PPM1L: variants seen among roughly 807,000 people sequenced by gnomAD.
PPM1L encodes the protein protein phosphatase 1L.
Under a neutral mutation model 31.4 loss-of-function variants are expected in PPM1L, and 13 were observed. The observed-to-expected ratio is 0.41, with a 90% CI of 0.27 to 0.66. The LOEUF is 0.66. Ranked by LOEUF, PPM1L falls within the 30% of genes least tolerant of loss-of-function variation. The probability of loss-of-function intolerance (pLI) is 0.29; values close to 1 mark genes in which losing one functional copy is unlikely to be tolerated. For missense variants in PPM1L, 326 were observed against 453.7 expected (o/e 0.72, Z 2.56); for synonymous variants, 184 against 175.4 (o/e 1.05, Z -0.39).
chr3:160,792,551 A>G (rs1712135907), intron 1 of PPM1L, among the ~76,000 whole-genome samples: 1 of 152,182 alleles, frequency 6.6e-6, no homozygotes, highest in African/African-American at 2.4e-5. Context: ...TTGATACACT[A>G]TTATTAACTA....
chr3:160,811,517 C>T (rs1392779832), intron 1 of PPM1L, among the ~76,000 whole-genome samples: 1 of 152,218 alleles, frequency 6.6e-6, no homozygotes, highest in East Asian at 1.9e-4. Flanking sequence ...CTCAAAAAGC[C>T]TAAAATATTC....
At chr3:160,786,484 C>T (rs983113023) in intron 1 of PPM1L, among the ~76,000 whole-genome samples, 3 of 151,360 alleles carry the variant, frequency 2.0e-5, no homozygotes, top group Non-Finnish European at 4.4e-5. Context: ...TCCCAAAGTG[C>T]TGGGATTACA....
chr3:160,839,726 A>C (rs932593055), intron 1 of PPM1L, among the ~76,000 whole-genome samples: 7 of 152,180 alleles, frequency 4.6e-5, no homozygotes, highest in African/African-American at 1.7e-4. Flanking sequence ...CAGTCTTGTG[A>C]CTGTGGTCAG....
chr3:160,877,026 G>C (rs911333262), intron 1 of PPM1L, among the ~76,000 whole-genome samples: 3 of 152,150 alleles, frequency 2.0e-5, no homozygotes, highest in African/African-American at 7.2e-5. Context: ...ACGTTCTGGA[G>C]AGTCTAGGTT....
intron 1 of PPM1L, among the ~76,000 whole-genome samples, chr3:160,801,519 C>T (rs16831478): frequency 0.075 from 11,344 of 152,168 alleles, 1,375 homozygotes; most frequent in African/African-American, 0.26. Context: ...CTAAGTTTTG[C>T]GCACACCAGC....
intron 1 of PPM1L, among the ~76,000 whole-genome samples, chr3:160,907,535 C>A (rs1713804449): frequency 6.6e-6 from 1 of 151,990 alleles, no homozygotes. Context: ...TTTCTCTTGG[C>A]AATATAGTGT....
chr3:161,063,234 G>A (rs1719627002), intron 2 of PPM1L, among the ~76,000 whole-genome samples: 1 of 151,866 alleles, frequency 6.6e-6, no homozygotes. Flanking sequence ...ATCAAAAACT[G>A]GTAACAACAA....
chr3:160,932,831 C>T (rs1714831589), intron 1 of PPM1L, among the ~76,000 whole-genome samples: 1 of 152,190 alleles, frequency 6.6e-6, no homozygotes, highest in South Asian at 2.1e-4. Flanking sequence ...TCATCATTCA[C>T]TGCTAAACGA....
chr3:160,809,025 C>T (rs1712728182), intron 1 of PPM1L, among the ~76,000 whole-genome samples: 1 of 152,286 alleles, frequency 6.6e-6, no homozygotes, highest in South Asian at 2.1e-4. Flanking sequence ...CGTGCACTGC[C>T]AGGCAGGGAA....
At chr3:160,935,648 C>T (rs1362691225) in intron 1 of PPM1L, among the ~76,000 whole-genome samples, 1 of 152,190 alleles carries the variant, frequency 6.6e-6, no homozygotes, top group African/African-American at 2.4e-5. Context: ...AGCTGTGCTA[C>T]CTGAAAGGAG....
intron 1 of PPM1L, among the ~76,000 whole-genome samples, chr3:160,844,715 CTA>C (rs1430880914): frequency 2.6e-5 from 4 of 151,898 alleles, no homozygotes; most frequent in African/African-American, 7.3e-5. Context: ...AAAATTTTTT[CTA>C]TGTTTTTTAA....
rs369458503 is a variant in PPM1L, at chr3:160,877,016, A to G, written c.400-84720A>G. Among the ~76,000 whole-genome samples the G allele has an allele frequency of 4.6e-5, 7 of 152,340 alleles. No homozygotes were observed. In the East Asian group the frequency reaches 1.3e-3, roughly 29 times the overall value. On this transcript the variant is annotated intron_variant, in intron 1 of 3. Transcript: ENST00000498165. ...TAGCCACAGAGAAAGGGACATTGCC[A>G]CGTTCTGGAGAGTCTAGGTTTGCAG...
At position 161,069,258 on chromosome 3, in the gene PPM1L, C is replaced by A; in HGVS notation, c.*101C>A. On this transcript the variant is annotated 3_prime_UTR_variant, in exon 4 of 4. Coordinates refer to ENST00000498165, the MANE Select transcript of PPM1L (RefSeq NM_139245.4). The stretch of plus-strand genomic sequence containing the variant: ...TGGGAGTTGTAATTAGGATCATCCA[C>A]CCCAGACATGGAATCCCCCCTCCCT... 4.5e-6 allele frequency: 4 copies of A among 898,794 alleles called. No homozygotes were observed. Among genetic ancestry groups the A allele is most frequent in the Non-Finnish European group, 6.6e-6 (4 of 606,878 alleles). The allele number at this position is 898,794 out of a possible 1,614,324, so 55.7% of individuals were successfully genotyped here.
chr3:161,042,829 G>C (rs565537712), intron 2 of PPM1L, among the ~76,000 whole-genome samples: 2 of 152,058 alleles, frequency 1.3e-5, no homozygotes, highest in African/African-American at 4.8e-5. Flanking sequence ...GACAAGCCTG[G>C]CCATCATGGT....
At chr3:160,921,068 T>C (rs188685504) in intron 1 of PPM1L, among the ~76,000 whole-genome samples, 8 of 152,334 alleles carry the variant, frequency 5.3e-5, no homozygotes, top group African/African-American at 1.7e-4. Flanking sequence ...TCAAAACTCA[T>C]TGAAACTCCT....
chr3:161,023,601 C>T, intron 2 of PPM1L, among the ~76,000 whole-genome samples: 1 of 152,084 alleles, frequency 6.6e-6, no homozygotes, highest in Non-Finnish European at 1.5e-5. Context: ...GTAATTTTTT[C>T]ATTGATACTC....
chr3:161,001,364 C>G (rs1717476029), intron 2 of PPM1L, among the ~76,000 whole-genome samples: 1 of 152,112 alleles, frequency 6.6e-6, no homozygotes, highest in Non-Finnish European at 1.5e-5. Context: ...TTACTGCAAC[C>G]TCCACCTTCC....
chr3:161,062,146 A>G (rs548018918), intron 2 of PPM1L, among the ~76,000 whole-genome samples: 5,738 of 141,730 alleles, frequency 0.04, 143 homozygotes, highest in African/African-American at 0.064. Context: ...GTGGGGGGGG[A>G]AAAAAAAAAG....
intron 2 of PPM1L, among the ~76,000 whole-genome samples, chr3:161,017,876 CACCTGCTTTACT>C (rs1718129428): frequency 6.6e-6 from 1 of 152,082 alleles, no homozygotes; most frequent in South Asian, 2.1e-4. Flanking sequence ...ATCTGTAAAG[CACCTGCTTTACT>C]CCAATGAAGT....
Sources: gnomAD v4.1 joint callset for allele counts (sites outside exome capture counted in the v4.1 genomes callset) on GRCh38, gnomAD v4.1.1 for gene constraint, MANE v1.5 for transcripts, NCBI Gene and HGNC (gene_info 2026-07-23, HGNC 2026-07-21) for gene names.